Variants in PCSK2 observed in about 807,000 individuals in gnomAD.
The protein encoded by PCSK2 is proprotein convertase subtilisin/kexin type 2.
In PCSK2, 14 loss-of-function variants were observed where a neutral mutation model predicts 69.7. That is an observed-to-expected ratio of 0.20 (90% CI 0.13 to 0.31). The LOEUF is 0.31. Among genes scored for constraint, PCSK2 ranks in the 10% least tolerant of loss-of-function variants. The probability of loss-of-function intolerance (pLI) is 1.00; values close to 1 mark genes in which losing one functional copy is unlikely to be tolerated. For missense variants in PCSK2, 544 were observed against 842.5 expected, an observed-to-expected ratio of 0.65 and a Z score of 4.39; for synonymous variants, 307 against 320.7, an observed-to-expected ratio of 0.96 and a Z score of 0.46.
chr20:17,479,565 C>A, intron 11 of PCSK2: 1 of 280,282 alleles, frequency 3.6e-6, no homozygotes, highest in South Asian at 4.0e-5. Context: ...TTTGGGAGGC[C>A]GAGGCAGGCG....
intron 5 of PCSK2, among the ~76,000 whole-genome samples, chr20:17,402,453 G>A (rs929784962): frequency 4.7e-5 from 7 of 148,920 alleles, no homozygotes; most frequent in South Asian, 4.3e-4. Flanking sequence ...ATCACTTGAC[G>A]TCTGGAGTTC....
intron 2 of PCSK2, among the ~76,000 whole-genome samples, chr20:17,323,664 C>G (rs1425572390): frequency 6.6e-6 from 1 of 152,196 alleles, no homozygotes; most frequent in African/African-American, 2.4e-5. Context: ...TAGAAAGTAA[C>G]TAAAGCTTTG....
At chr20:17,236,282 T>A (rs1014087960) in intron 1 of PCSK2, among the ~76,000 whole-genome samples, 1 of 152,142 alleles carries the variant, frequency 6.6e-6, no homozygotes, top group Non-Finnish European at 1.5e-5. Flanking sequence ...AAATATGCTA[T>A]ACAAAGGAGA....
At position 17,483,027 on chromosome 20, in the gene PCSK2, TA is replaced by T. The variant is rs2033437371; in HGVS notation, c.*958del. 1.1e-5 allele frequency: 1 copy of T among 91,990 alleles called. No homozygotes were observed. The highest frequency in any genetic ancestry group is 2.4e-5 in the Non-Finnish European group (1 of 42,430). 5.7% of individuals were successfully genotyped at this position (91,990 alleles called of 1,614,324 possible). A position where few individuals can be genotyped will look rare whatever the true frequency, so the allele number is the denominator to read the frequency against. On this transcript the variant is annotated 3_prime_UTR_variant, in exon 12 of 12. Transcript: ENST00000262545. The stretch of plus-strand genomic sequence containing the variant: ...TGATCTGAGTGAGAGGCGACAGGAG[TA>T]TTTTTTTTTTTTTACAGCTTTACAC...
chr20:17,237,894 G>A (rs2122946284), intron 1 of PCSK2, among the ~76,000 whole-genome samples: 1 of 152,268 alleles, frequency 6.6e-6, no homozygotes, highest in East Asian at 1.9e-4. Context: ...TGAGGGGTGA[G>A]GAAGTTGGGG....
At chr20:17,274,801 A>T (rs1987998954) in intron 2 of PCSK2, among the ~76,000 whole-genome samples, 1 of 152,074 alleles carries the variant, frequency 6.6e-6, no homozygotes, top group Non-Finnish European at 1.5e-5. Context: ...TTATGCAGCA[A>T]TAGATAACAA....
chr20:17,245,613 C>T (rs2122963297), intron 1 of PCSK2, among the ~76,000 whole-genome samples: 1 of 152,284 alleles, frequency 6.6e-6, no homozygotes, highest in East Asian at 1.9e-4. Context: ...AGAATGCTAG[C>T]CTCATCTGTA....
chr20:17,483,121 G>T lies in PCSK2; in HGVS notation c.*1051G>T, dbSNP rs1416248532. ...GAAATCTCATACTCCCCCACAGTTTGATGTCATTAATGTGTTGGGAAAAAG... is the reference window on the plus strand; with the variant it reads ...GAAATCTCATACTCCCCCACAGTTTTATGTCATTAATGTGTTGGGAAAAAG... On this transcript the variant is annotated 3_prime_UTR_variant, in exon 12 of 12. Transcript: ENST00000262545. The T allele has an allele frequency of 3.3e-5, 5 of 151,620 alleles. No individual in the cohort carries two copies. The highest frequency in any genetic ancestry group is 4.9e-5 in the African/African-American group (2 of 41,230). The allele number at this position is 151,620 out of a possible 1,614,324, so 9.4% of individuals were successfully genotyped here.
intron 2 of PCSK2, among the ~76,000 whole-genome samples, chr20:17,324,071 CT>C (rs763100821): frequency 7.2e-5 from 11 of 152,218 alleles, no homozygotes; most frequent in Non-Finnish European, 1.0e-4. Context: ...GACATGTTTT[CT>C]GTACTATTCC....
chr20:17,435,937 G>A (rs960110045), intron 7 of PCSK2, among the ~76,000 whole-genome samples: 34 of 152,298 alleles, frequency 2.2e-4, no homozygotes, highest in Middle Eastern at 3.4e-3. Context: ...CGGGGGCAGC[G>A]CCAGCACCTT....
Position 17,459,877 on chromosome 20 carries a change from CTA to C in PCSK2, c.1202+3431_1202+3432del, listed in dbSNP as rs1310133805. Among the ~76,000 whole-genome samples the C allele has an allele frequency of 2.6e-5, 4 of 152,310 alleles. No homozygotes were observed. The East Asian group carries it at 7.7e-4, about 29-fold the overall frequency. The stretch of plus-strand genomic sequence containing the variant: ...TCAATAAGGCAATAGCTCTGTGAAT[CTA>C]TGACTCTGGGTGCAGAGTGTGGGTA... On this transcript the variant is annotated intron_variant, in intron 10 of 11. Coordinates refer to ENST00000262545, the MANE Select transcript of PCSK2 (RefSeq NM_002594.5).
chr20:17,437,975 G>C (rs2123353754), intron 8 of PCSK2, among the ~76,000 whole-genome samples: 1 of 139,674 alleles, frequency 7.2e-6, no homozygotes, highest in African/African-American at 2.8e-5. Flanking sequence ...CTGGCTGCCA[G>C]GCCAGCAGTT....
At chr20:17,422,589 C>A (rs1334742364) in intron 6 of PCSK2, among the ~76,000 whole-genome samples, 1 of 148,004 alleles carries the variant, frequency 6.8e-6, no homozygotes, top group Non-Finnish European at 1.5e-5. Flanking sequence ...AAACAAGTGG[C>A]CAAAATAGAA....
intron 6 of PCSK2, among the ~76,000 whole-genome samples, chr20:17,424,665 G>C (rs950981190): frequency 6.6e-6 from 1 of 151,962 alleles, no homozygotes; most frequent in Non-Finnish European, 1.5e-5. Flanking sequence ...GCTAATTTTT[G>C]TATTTTTAGT....
intron 8 of PCSK2, among the ~76,000 whole-genome samples, chr20:17,446,139 A>T (rs1483601984): frequency 6.6e-6 from 1 of 152,240 alleles, no homozygotes; most frequent in African/African-American, 2.4e-5. Context: ...CTGACATCAG[A>T]AAGATTCATC....
At chr20:17,475,509 A>C (rs1460779226) in intron 11 of PCSK2, among the ~76,000 whole-genome samples, 1 of 152,112 alleles carries the variant, frequency 6.6e-6, no homozygotes, top group Non-Finnish European at 1.5e-5. Flanking sequence ...TAGTTAATTC[A>C]CAGAAACTTC....
At chr20:17,322,260 G>C (rs1288974604) in intron 2 of PCSK2, among the ~76,000 whole-genome samples, 2 of 152,136 alleles carry the variant, frequency 1.3e-5, no homozygotes, top group Non-Finnish European at 2.9e-5. Context: ...GACTGGAAAA[G>C]TTTATGAAAA....
intron 5 of PCSK2, among the ~76,000 whole-genome samples, chr20:17,386,783 A>AT (rs1386213312): frequency 5.9e-5 from 9 of 152,176 alleles, no homozygotes; most frequent in Admixed American, 2.0e-4. Context: ...TATGTTACAT[A>AT]TTTTTTACCA....
intron 8 of PCSK2, among the ~76,000 whole-genome samples, chr20:17,448,795 AC>A (rs2032747302): frequency 6.6e-6 from 1 of 152,124 alleles, no homozygotes; most frequent in African/African-American, 2.4e-5. Context: ...TTTGGTAAAA[AC>A]TTTTGAGAAA....
Sources: allele counts gnomAD v4.1 joint callset (sites outside exome capture counted in the v4.1 genomes callset), GRCh38; gene constraint gnomAD v4.1.1; transcripts MANE v1.5; gene names NCBI Gene and HGNC (gene_info 2026-07-23, HGNC 2026-07-21).